Variants in HTRA1 observed in about 807,000 individuals in gnomAD.
The protein encoded by HTRA1 is serine protease HTRA1.
A neutral mutation model predicts 49.7 loss-of-function variants in HTRA1; 26 were observed. The observed-to-expected ratio is 0.52, with a 90% CI of 0.38 to 0.73. HTRA1 has a LOEUF of 0.73. HTRA1 is among the 30% of genes least tolerant of loss of function. HTRA1 has a pLI of 0.00. For synonymous variants in HTRA1, 291 were observed against 286.9 expected, an observed-to-expected ratio of 1.01 and a Z score of -0.14; for missense variants, 561 against 667.2, an observed-to-expected ratio of 0.84 and a Z score of 1.75.
At position 122,506,400 on chromosome 10, in the gene HTRA1, GTGA is replaced by G. The variant is rs2097503062; in HGVS notation, c.778-287_778-285del. ...GAGTCTGTGCTGATAGCTTCAAGAT[GTGA>G]TGAGACCCCGACTTGGCCTCCAGTT... On this transcript the variant is annotated intron_variant, in intron 3 of 8. Coordinates refer to ENST00000368984, the MANE Select transcript of HTRA1 (RefSeq NM_002775.5). The surrounding 1 kb of genome is among the most constrained non-coding windows in gnomAD (Gnocchi z 5.2). Among the ~76,000 whole-genome samples the G allele has an allele frequency of 6.6e-6, 1 of 152,182 alleles. No homozygotes were observed. Among genetic ancestry groups the G allele is most frequent in the South Asian group, 2.1e-4 (1 of 4,832 alleles).
intron 1 of HTRA1, among the ~76,000 whole-genome samples, chr10:122,483,205 G>T (rs1443515173): frequency 6.6e-6 from 1 of 152,180 alleles, no homozygotes; most frequent in Non-Finnish European, 1.5e-5. Context: ...AGTATTATGT[G>T]TAAAACTCCA....
chr10:122,475,364 C>A (rs7093894), intron 1 of HTRA1, among the ~76,000 whole-genome samples: 33,149 of 152,190 alleles, frequency 0.22, 4,548 homozygotes, highest in African/African-American at 0.39. Context: ...ATGTGTGCTG[C>A]AAGTCGAGGC....
chr10:122,479,194 T>C (rs760336), intron 1 of HTRA1, among the ~76,000 whole-genome samples: 82,117 of 152,096 alleles, frequency 0.54, 23,506 homozygotes, highest in African/African-American at 0.72. Flanking sequence ...GAAGGTTAGA[T>C]TGTTAATCCT....
At position 122,480,596 on chromosome 10, in the gene HTRA1, G is replaced by A. The variant is rs1203744128; in HGVS notation, c.473-8306G>A. ...GGTCCCTGCTAGTTGTCTGGCCGAG[G>A]CAGCATGTCCTATAGGCATAGCTCT... On this transcript the variant is annotated intron_variant, in intron 1 of 8. Coordinates refer to ENST00000368984, the MANE Select transcript of HTRA1 (RefSeq NM_002775.5). Among the ~76,000 whole-genome samples the A allele has an allele frequency of 3.3e-5, 5 of 152,172 alleles. No individual in the cohort carries two copies. In the East Asian group the frequency reaches 9.6e-4, roughly 29 times the overall value.
At chr10:122,493,896 G>C (rs958621737) in intron 3 of HTRA1, among the ~76,000 whole-genome samples, 1 of 150,046 alleles carries the variant, frequency 6.7e-6, no homozygotes, top group Admixed American at 6.6e-5. Flanking sequence ...CCCTTCCTTG[G>C]TTGCTTCCCA....
intron 3 of HTRA1, among the ~76,000 whole-genome samples, chr10:122,492,309 G>A (rs957153932): frequency 5.9e-5 from 9 of 152,158 alleles, no homozygotes; most frequent in South Asian, 2.1e-4. Flanking sequence ...AGGGGCCCCC[G>A]TTGTCCTTCA....
chr10:122,471,816 G>T (rs1263650054), intron 1 of HTRA1, among the ~76,000 whole-genome samples: 1 of 152,200 alleles, frequency 6.6e-6, no homozygotes, highest in Non-Finnish European at 1.5e-5. Context: ...AGGTGTTTGG[G>T]AGAGGCCACG....
At position 122,506,588 on chromosome 10, in the gene HTRA1, A is replaced by G; in HGVS notation, c.778-103A>G. ...GTTCCCCACCGGGCCTGGTGTTTCC[A>G]AATAGCCCGTCACTGTCCCTGCTTG... On this transcript the variant is annotated intron_variant, in intron 3 of 8. Transcript: ENST00000368984. The surrounding 1 kb of genome is among the most constrained non-coding windows in gnomAD (Gnocchi z 5.2). The G allele has an allele frequency of 9.6e-7, 1 of 1,038,242 alleles. No individual in the cohort carries two copies. The allele number at this position is 1,038,242 out of a possible 1,614,324, so 64.3% of individuals were successfully genotyped here.
chr10:122,466,715 C>T (rs1037204242), intron 1 of HTRA1, among the ~76,000 whole-genome samples: 17 of 152,142 alleles, frequency 1.1e-4, no homozygotes, highest in Non-Finnish European at 1.8e-4. Flanking sequence ...AATTCAAATA[C>T]ACCTTTTGTC....
chr10:122,463,117 C>T (rs2097482306), intron 1 of HTRA1, among the ~76,000 whole-genome samples: 1 of 152,266 alleles, frequency 6.6e-6, no homozygotes, highest in African/African-American at 2.4e-5. Context: ...CTGCCGGACC[C>T]CAGTGCTGCC....
Position 122,508,777 on chromosome 10 carries a change from A to C in HTRA1, c.1120+7A>C, listed in dbSNP as rs749459649. On this transcript the variant is annotated splice_region_variant and intron_variant, in intron 6 of 8. Coordinates refer to ENST00000368984, the MANE Select transcript of HTRA1 (RefSeq NM_002775.5). ...CATGACCGACAGGCCAAAGGTAGGCAAGGCCCACACAGCCCTGGGGACTCC... is the reference window on the plus strand; with the variant it reads ...CATGACCGACAGGCCAAAGGTAGGCCAGGCCCACACAGCCCTGGGGACTCC... 1 of 1,549,316 alleles carries C rather than the reference A, an allele frequency of 6.5e-7. No individual in the cohort carries two copies. Among genetic ancestry groups the C allele is most frequent in the South Asian group, 1.1e-5 (1 of 89,870 alleles).
intron 1 of HTRA1, among the ~76,000 whole-genome samples, chr10:122,483,241 C>T (rs1195418049): frequency 6.6e-6 from 1 of 152,106 alleles, no homozygotes; most frequent in Non-Finnish European, 1.5e-5. Context: ...AAGGAAGCAA[C>T]ATTTATGAAG....
At chr10:122,480,448 G>A (rs1311752712) in intron 1 of HTRA1, among the ~76,000 whole-genome samples, 3 of 152,172 alleles carry the variant, frequency 2.0e-5, no homozygotes, top group Non-Finnish European at 4.4e-5. Context: ...GGCACACCTG[G>A]GTTAGTTGCT....
chr10:122,508,068 A>G (rs1259098857), intron 5 of HTRA1, among the ~76,000 whole-genome samples: 1 of 150,728 alleles, frequency 6.6e-6, no homozygotes, highest in African/African-American at 2.4e-5. Flanking sequence ...CACCTCCTAG[A>G]TGGTGCCTTG....
intron 3 of HTRA1, among the ~76,000 whole-genome samples, chr10:122,501,384 A>G (rs1182493724): frequency 3.9e-5 from 6 of 152,186 alleles, no homozygotes; most frequent in South Asian, 2.1e-4. Context: ...CAAACAAACA[A>G]GCAAACAAAC....
In HTRA1 at chr10:122,514,264, G is replaced by A. The variant is rs772225907; in HGVS notation, c.1348G>A (p.Asp450Asn). 3.7e-5 allele frequency: 59 copies of A among 1,613,944 alleles called. No individual in the cohort carries two copies. The highest frequency in any genetic ancestry group is 5.0e-5 in the Non-Finnish European group (59 of 1,180,016). Reference protein sequence around the residue: ...QSVVSANDVSDVIKRESTLNM... With the variant: ...QSVVSANDVSNVIKRESTLNM... ...CGTGGTCTCCGCCAATGATGTCAGC[G>A]ACGTCATTAAAAGGGAAAGCACCCT... Residue 450 changes from aspartate (D) to asparagine (N), a missense_variant, in exon 9 of 9, where the codon GAC becomes AAC. Transcript: ENST00000368984.
chr10:122,499,010 G>C (rs892913925), intron 3 of HTRA1, among the ~76,000 whole-genome samples: 4 of 152,076 alleles, frequency 2.6e-5, no homozygotes, highest in African/African-American at 4.8e-5. Context: ...CTAGGTTCCA[G>C]CTTGGGCACC....
intron 6 of HTRA1, 44 bp from the exon 7 acceptor site, chr10:122,510,052 A>G (rs1271189044): frequency 1.9e-6 from 3 of 1,575,672 alleles, no homozygotes. Flanking sequence ...CAGCACCCCC[A>G]CCAACTGGGC....
At chr10:122,488,611 G>A (rs2097494164) in intron 1 of HTRA1, among the ~76,000 whole-genome samples, 1 of 152,156 alleles carries the variant, frequency 6.6e-6, no homozygotes, top group Non-Finnish European at 1.5e-5. Flanking sequence ...TCAGCTTCTT[G>A]GAAAGGCTGG....
Sources: allele counts gnomAD v4.1 joint callset (sites outside exome capture counted in the v4.1 genomes callset), GRCh38; gene constraint gnomAD v4.1.1; non-coding constraint Gnocchi (gnomAD v3.1); transcripts MANE v1.5; gene names NCBI Gene and HGNC (gene_info 2026-07-23, HGNC 2026-07-21).